Variants in AMPH observed in about 807,000 individuals in gnomAD.
The protein encoded by AMPH is amphiphysin (Stiff-Mann syndrome with breast cancer 128kD autoantigen).
A neutral mutation model predicts 99.1 loss-of-function variants in AMPH; 49 were observed. The ratio of observed to expected loss-of-function variants is 0.49; its 90% CI spans 0.39 to 0.63. The LOEUF (loss-of-function observed/expected upper bound fraction) is 0.63, where lower values mean the gene tolerates loss of function less well. Ranked by LOEUF, AMPH falls within the 20% of genes least tolerant of loss-of-function variation. AMPH has a pLI of 0.00. For missense variants in AMPH, 759 were observed against 863.4 expected (o/e 0.88, Z 1.52); for synonymous variants, 314 against 317.3 (o/e 0.99, Z 0.11).
At position 38,463,004 on chromosome 7, in the gene AMPH, C is replaced by A; in HGVS notation, c.859G>T (p.Ala287Ser). ...GAAGGTGACCGAGGCCGTGCTGGTG[C>A]GGGAGACGCAGGTGCTAATGTATGA... ...PNHTLAPASP[A>S]PARPRSPSQT... is the part of the protein sequence containing the mutation. Residue 287 changes from alanine (A) to serine (S), a missense_variant, in exon 10 of 21, where the codon GCA becomes TCA. Physicochemically the swap from Ala to Ser is moderately conservative, Grantham distance 99. Transcript: ENST00000356264. 1 of 1,596,552 alleles carries A rather than the reference C, an allele frequency of 6.3e-7. No homozygotes were observed. The highest frequency in any genetic ancestry group is 2.2e-4 in the Middle Eastern group (1 of 4,632).
chr7:38,497,879 A>T (rs1187253811), intron 3 of AMPH, among the ~76,000 whole-genome samples: 1 of 152,214 alleles, frequency 6.6e-6, no homozygotes, highest in Non-Finnish European at 1.5e-5. Context: ...ATGCCTACAC[A>T]TAAGACACAT....
At chr7:38,476,028 T>G (rs1285369023) in intron 6 of AMPH, among the ~76,000 whole-genome samples, 3 of 152,166 alleles carry the variant, frequency 2.0e-5, no homozygotes, top group Admixed American at 2.0e-4. Context: ...GGAAAGTTAA[T>G]GTAGATGAAG....
At chr7:38,429,975 C>A in intron 13 of AMPH, 110 bp from the exon 14 acceptor site, 1 of 1,048,924 alleles carries the variant, frequency 9.5e-7, no homozygotes. Flanking sequence ...ATAGCTTTTA[C>A]TGGTTTAGGA....
At chr7:38,570,715 A>T (rs1791913557) in intron 1 of AMPH, among the ~76,000 whole-genome samples, 1 of 147,786 alleles carries the variant, frequency 6.8e-6, no homozygotes, top group African/African-American at 2.5e-5. Flanking sequence ...AAAAAAAAAT[A>T]ACTGTAAGTC....
At chr7:38,404,082 T>C (rs1164467343) in intron 17 of AMPH, among the ~76,000 whole-genome samples, 1 of 152,032 alleles carries the variant, frequency 6.6e-6, no homozygotes, top group Admixed American at 6.6e-5. Context: ...GAGAGGTCCT[T>C]TCACAGACCT....
intron 12 of AMPH, among the ~76,000 whole-genome samples, chr7:38,435,373 G>T (rs1188924456): frequency 6.6e-6 from 1 of 152,142 alleles, no homozygotes; most frequent in Non-Finnish European, 1.5e-5. Flanking sequence ...AAGGCTTCAA[G>T]GCCAGGGAAT....
chr7:38,439,921 G>T (rs1002899467), intron 11 of AMPH, among the ~76,000 whole-genome samples: 6 of 152,156 alleles, frequency 3.9e-5, no homozygotes, highest in African/African-American at 1.4e-4. Context: ...GTGATAGATG[G>T]ATTTTACTTC....
Position 38,389,897 on chromosome 7 carries a change from T to C in AMPH, c.1887A>G (p.Thr629=), listed in dbSNP as rs1784442099. The C allele has an allele frequency of 3.1e-6, 5 of 1,610,974 alleles. No individual in the cohort carries two copies. Among genetic ancestry groups the C allele is most frequent in the Non-Finnish European group, 4.2e-6 (5 of 1,177,752 alleles). The change falls in exon 20 of 21, where the codon ACA becomes ACG. Residue 629 remains threonine (T), a synonymous_variant. Transcript: ENST00000356264. ...AATTTGCTGCCTCAAAATCATGCAG[T>C]GTTTCCACCTGCAGAAGATAAGAAT... The part of the protein sequence containing the change: ...LPPGFLYKVE[T]LHDFEAANSD...
chr7:38,388,808 TAA>T (rs962544889), intron 20 of AMPH, among the ~76,000 whole-genome samples: 2 of 150,902 alleles, frequency 1.3e-5, no homozygotes, highest in Non-Finnish European at 3.0e-5. Flanking sequence ...CCCAGCTAAT[TAA>T]AAAAAAAATT....
chr7:38,523,124 A>G (rs10274613), intron 2 of AMPH, among the ~76,000 whole-genome samples: 44,320 of 145,964 alleles, frequency 0.3, 7,251 homozygotes, highest in Middle Eastern at 0.37. Flanking sequence ...AAAAAAAAAG[A>G]AGGTGGGGGA....
chr7:38,606,582 T>C (rs1025798189), intron 1 of AMPH, among the ~76,000 whole-genome samples: 51 of 147,892 alleles, frequency 3.4e-4, no homozygotes, highest in African/African-American at 9.8e-4. Context: ...TTTTTTTTTT[T>C]TTTTTTGTGA....
chr7:38,500,561 G>C (rs556206923), intron 3 of AMPH, among the ~76,000 whole-genome samples: 9 of 152,268 alleles, frequency 5.9e-5, no homozygotes, highest in South Asian at 4.1e-4. Context: ...TCTATAAGCA[G>C]CACGCTCCAC....
At chr7:38,560,321 G>A (rs1024305325) in intron 1 of AMPH, among the ~76,000 whole-genome samples, 65 of 152,006 alleles carry the variant, frequency 4.3e-4, no homozygotes, top group South Asian at 6.2e-4. Context: ...CATCCCAACC[G>A]CCCCAGCCAA....
At chr7:38,403,958 C>T (rs80187045) in intron 17 of AMPH, among the ~76,000 whole-genome samples, 4,625 of 152,272 alleles carry the variant, frequency 0.03, 114 homozygotes, top group Non-Finnish European at 0.044. Context: ...ATCTTCCCCT[C>T]CCTAAACAGA....
rs1408034829 is a variant in AMPH at position 38,384,862 on chromosome 7, A to C, written c.2044T>G (p.Tyr682Asp). 2 of 1,614,104 alleles carry C rather than the reference A, an allele frequency of 1.2e-6. No individual in the cohort carries two copies. The highest frequency in any genetic ancestry group is 1.7e-6 in the Non-Finnish European group (2 of 1,179,970). Residue 682 changes from tyrosine (Y) to aspartate (D), a missense_variant, in exon 21 of 21, where the codon TAC becomes GAC. Coordinates refer to ENST00000356264, the MANE Select transcript of AMPH (RefSeq NM_001635.4). ...DWLQYRDLAT[Y>D]KGLFPENFTR... ...AAGTTCTCTGGAAAGAGGCCTTTGT[A>C]GGTGGCAAGGTCTCTGTACTGAAGC...
intron 6 of AMPH, 31 bp downstream of exon 6, chr7:38,476,831 G>T (rs776803404): frequency 1.3e-5 from 20 of 1,506,530 alleles, no homozygotes; most frequent in Admixed American, 1.2e-4. Flanking sequence ...AAAATACGGA[G>T]AGTGGTATTC....
At chr7:38,460,501 C>A (rs1253853487) in intron 11 of AMPH, among the ~76,000 whole-genome samples, 2 of 151,946 alleles carry the variant, frequency 1.3e-5, no homozygotes, top group Non-Finnish European at 2.9e-5. Flanking sequence ...ATGGTATAGA[C>A]ACACACACAC....
chr7:38,425,321 T>C (rs1174232085), intron 15 of AMPH, among the ~76,000 whole-genome samples: 4 of 152,196 alleles, frequency 2.6e-5, no homozygotes. Context: ...GGAGGACAGA[T>C]AGGCAATTTC....
chr7:38,422,296 G>C lies in AMPH; in HGVS notation c.1272+125C>G, dbSNP rs1267792197. 1.4e-5 allele frequency: 11 copies of C among 763,958 alleles called. No individual in the cohort carries two copies. The East Asian group carries it at 3.0e-4, about 21-fold the overall frequency. The allele number at this position is 763,958 out of a possible 1,614,324, so 47.3% of individuals were successfully genotyped here. A position where few individuals can be genotyped will look rare whatever the true frequency, so the allele number is the denominator to read the frequency against. ...CAGACACATTCTCTCCTGTTTTCTA[G>C]AAAAGTACAGGATCCAGAAACCACA... On this transcript the variant is annotated intron_variant, in intron 16 of 20. Coordinates refer to ENST00000356264, the MANE Select transcript of AMPH (RefSeq NM_001635.4).
Sources: allele counts gnomAD v4.1 joint callset (sites outside exome capture counted in the v4.1 genomes callset), GRCh38; gene constraint gnomAD v4.1.1; transcripts MANE v1.5; gene names NCBI Gene and HGNC (gene_info 2026-07-23, HGNC 2026-07-21).